POGK: variants seen among roughly 807,000 people sequenced by gnomAD.
POGK encodes pogo transposable element derived with KRAB domain, also known as pogo transposable element with KRAB domain.
Under a neutral mutation model 54.4 loss-of-function variants are expected in POGK, and 16 were observed. The observed-to-expected ratio is 0.29, with a 90% CI of 0.20 to 0.45. The LOEUF (loss-of-function observed/expected upper bound fraction) is 0.45. Ranked by LOEUF, POGK falls within the 20% of genes least tolerant of loss-of-function variation. POGK has a pLI of 1.00. For missense variants in POGK, 515 were observed against 795.6 expected (o/e 0.65, Z 4.24); for synonymous variants, 271 against 302.2 (o/e 0.90, Z 1.07).
intron 4 of POGK, among the ~76,000 whole-genome samples, chr1:166,848,004 A>G (rs1369688946): frequency 6.6e-6 from 1 of 152,208 alleles, no homozygotes; most frequent in Non-Finnish European, 1.5e-5. Context: ...AGAAAAAGCA[A>G]TAGCAATCAT....
chr1:166,846,811 G>A, intron 3 of POGK, 73 bp downstream of exon 3: 1 of 1,574,240 alleles, frequency 6.4e-7, no homozygotes, highest in Non-Finnish European at 8.7e-7. Context: ...CTCTTCTCTG[G>A]TATATCCAAT....
rs543726991 is a variant in POGK at position 166,848,743 on chromosome 1, T to A, written c.359-195T>A. The stretch of plus-strand genomic sequence containing the variant: ...ACAGTGATACTTAGAGTTACTCTAT[T>A]AAGAGAACTAGGTGTGGGTAGTCCA... On this transcript the variant is annotated intron_variant, in intron 4 of 5. Transcript: ENST00000367876. 4.0e-3 allele frequency among the ~76,000 whole-genome samples: 603 copies of A among 152,326 alleles called. 5 individuals are homozygous for A. Among genetic ancestry groups the A allele is most frequent in the African/African-American group, 0.014 (578 of 41,564 alleles).
At position 166,839,519 on chromosome 1, in the gene POGK, G is replaced by A. The variant is rs1224477412; in HGVS notation, c.-88G>A. The stretch of plus-strand genomic sequence containing the variant: ...TCCCGAGGGGCCGCGCGCACGGGAG[G>A]ACGGAGAGGCGGAAAGGATGGCGCT... On this transcript the variant is annotated 5_prime_UTR_variant, in exon 1 of 6. Transcript: ENST00000367876. The A allele has an allele frequency of 6.6e-6, 1 of 151,704 alleles. No individual in the cohort carries two copies. The highest frequency in any genetic ancestry group is 1.5e-5 in the Non-Finnish European group (1 of 67,900). 9.4% of individuals were successfully genotyped at this position (151,704 alleles called of 1,614,324 possible).
intron 1 of POGK, chr1:166,840,301 C>T (rs1406198809): frequency 1.3e-5 from 2 of 152,352 alleles, no homozygotes; most frequent in Non-Finnish European, 2.9e-5. Flanking sequence ...GGGTGGGCCC[C>T]AGCCGATTTC....
intron 1 of POGK, chr1:166,840,448 C>G (rs1361512974): frequency 1.3e-5 from 2 of 152,752 alleles, no homozygotes; most frequent in Admixed American, 6.5e-5. Flanking sequence ...AAAATCCAGG[C>G]AATGGGCCTA....
At chr1:166,851,638 G>A (rs1658069203) in intron 5 of POGK, 1 of 152,144 alleles carries the variant, frequency 6.6e-6, no homozygotes, top group Non-Finnish European at 1.5e-5. Flanking sequence ...AGAGGAGGAG[G>A]ATGAGCATGT....
intron 1 of POGK, 120 bp from the exon 2 acceptor site, chr1:166,840,835 C>T (rs1657470898): frequency 7.7e-7 from 1 of 1,290,476 alleles, no homozygotes; most frequent in South Asian, 1.5e-5. Context: ...CCTTACTTCC[C>T]TCCAGCGGGA....
In POGK at chr1:166,846,707, G is replaced by C. The variant is rs1365080481; in HGVS notation, c.228G>C (p.Met76Ile). The change falls in exon 3 of 6, where the codon ATG becomes ATC. Residue 76 changes from methionine (M) to isoleucine (I), a missense_variant. Coordinates refer to ENST00000367876, the MANE Select transcript of POGK (RefSeq NM_017542.5). ...EQQKALYREV[M>I]RMNYETVLSL... ...AAAAGGCCCTCTACCGGGAAGTCAT[G>C]AGGATGAATTATGAAACTGTCCTGT... 1.2e-6 allele frequency: 2 copies of C among 1,614,046 alleles called. No individual in the cohort carries two copies. Among genetic ancestry groups the C allele is most frequent in the African/African-American group, 2.7e-5 (2 of 74,918 alleles).
rs1337026177 is a variant in POGK, at chr1:166,850,529, A to C, written c.*14+106A>C. On this transcript the variant is annotated intron_variant, in intron 5 of 5. Transcript: ENST00000367876. ...GTTTTTAAGTTCCCTTAGAGCCTAC[A>C]GTGCAGTAGTGTAGATCAGGGGTCC... The C allele has an allele frequency of 4.1e-5, 53 of 1,294,354 alleles. 2 individuals are homozygous for C. The highest frequency in any genetic ancestry group is 4.8e-5 in the Non-Finnish European group (47 of 969,628). 80.2% of individuals were successfully genotyped at this position (1,294,354 alleles called of 1,614,324 possible).
intron 4 of POGK, 126 bp from the exon 5 acceptor site, chr1:166,848,812 T>TA (rs1241595951): frequency 7.8e-7 from 1 of 1,287,316 alleles, no homozygotes; most frequent in African/African-American, 1.5e-5. Flanking sequence ...TGTTACCTGT[T>TA]ATTAAAGTTA....
chr1:166,839,848 C>G (rs1425704503), intron 1 of POGK: 1 of 151,254 alleles, frequency 6.6e-6, no homozygotes, highest in Non-Finnish European at 1.5e-5. Context: ...CGGCGCGGTT[C>G]CGCGGAGAAA....
In POGK at chr1:166,852,648, G is replaced by A. The variant is rs1458936312; in HGVS notation, c.*78G>A. The A allele has an allele frequency of 6.6e-6, 1 of 152,278 alleles. No individual in the cohort carries two copies. 9.4% of individuals were successfully genotyped at this position (152,278 alleles called of 1,614,324 possible). A position where few individuals can be genotyped will look rare whatever the true frequency, so the allele number is the denominator to read the frequency against. On this transcript the variant is annotated 3_prime_UTR_variant, in exon 6 of 6. Coordinates refer to ENST00000367876, the MANE Select transcript of POGK (RefSeq NM_017542.5). ...CCTCAAGATGATTATTCCTGAAAGT[G>A]TGGATGCGCTGGATGCGCAGGGAAC...
chr1:166,846,442 C>T (rs142663279), intron 2 of POGK, among the ~76,000 whole-genome samples, 170 bp from the exon 3 acceptor site: 1 of 152,202 alleles, frequency 6.6e-6, no homozygotes, highest in African/African-American at 2.4e-5. Flanking sequence ...CCCTTGTTGG[C>T]TTCCAGCAGC....
In POGK at chr1:166,853,435, C is replaced by T. The variant is rs966705961; in HGVS notation, c.*865C>T. The T allele has an allele frequency of 3.3e-5, 5 of 152,570 alleles. No individual in the cohort carries two copies. The highest frequency in any genetic ancestry group is 1.2e-4 in the African/African-American group (5 of 41,426). 9.5% of individuals were successfully genotyped at this position (152,570 alleles called of 1,614,324 possible). On this transcript the variant is annotated 3_prime_UTR_variant, in exon 6 of 6. Transcript: ENST00000367876. Reference sequence around the variant, plus strand: ...TCTGTTGTCTACATGGTACAAGGCCCATTGACTCATCTGATGCTTGTTTTG... The same window carrying T: ...TCTGTTGTCTACATGGTACAAGGCCTATTGACTCATCTGATGCTTGTTTTG...
intron 3 of POGK, 44 bp downstream of exon 3, chr1:166,846,782 G>C (rs781349788): frequency 3.7e-6 from 6 of 1,610,690 alleles, no homozygotes; most frequent in Non-Finnish European, 5.1e-6. Flanking sequence ...TCTGAGCCCA[G>C]AGAATTGTTT....
chr1:166,841,882 A>C (rs893143690), intron 2 of POGK, among the ~76,000 whole-genome samples: 11 of 152,184 alleles, frequency 7.2e-5, no homozygotes, highest in African/African-American at 2.7e-4. Flanking sequence ...GGGATGCAGA[A>C]AGATTATCTG....
In POGK at chr1:166,849,896, G is replaced by A. The variant is rs1657991303; in HGVS notation, c.1317G>A (p.Gly439=). 1 of 1,614,154 alleles carries A rather than the reference G, an allele frequency of 6.2e-7. No homozygotes were observed. Among genetic ancestry groups the A allele is most frequent in the African/African-American group, 1.3e-5 (1 of 74,954 alleles). Residue 439 remains glycine (G), a synonymous_variant, in exon 5 of 6, where the codon GGG becomes GGA. Coordinates refer to ENST00000367876, the MANE Select transcript of POGK (RefSeq NM_017542.5). The part of the protein sequence containing the change: ...SGMEIRCHRY[G]WMTEDLMQDW... ...TGGAAATTCGCTGCCACCGGTATGGGTGGATGACTGAAGACTTGATGCAGG... is the reference window on the plus strand; with the variant it reads ...TGGAAATTCGCTGCCACCGGTATGGATGGATGACTGAAGACTTGATGCAGG...
intron 2 of POGK, among the ~76,000 whole-genome samples, chr1:166,845,418 T>C (rs1329665890): frequency 6.6e-6 from 1 of 150,886 alleles, no homozygotes; most frequent in Non-Finnish European, 1.5e-5. Flanking sequence ...AGGGAATAAA[T>C]GAAGCAGTTA....
intron 2 of POGK, 33 bp downstream of exon 2, chr1:166,841,121 GC>G: frequency 1.2e-6 from 2 of 1,609,454 alleles, no homozygotes; most frequent in South Asian, 2.2e-5. Flanking sequence ...CACACAGCCA[GC>G]AGATGCAGGC....
Sources: allele counts gnomAD v4.1 joint callset (sites outside exome capture counted in the v4.1 genomes callset), GRCh38; gene constraint gnomAD v4.1.1; transcripts MANE v1.5; gene names NCBI Gene and HGNC (gene_info 2026-07-23, HGNC 2026-07-21).